Variants in CNTN3 observed in about 807,000 individuals in gnomAD.
CNTN3 encodes the protein contactin 3.
In CNTN3, 60 loss-of-function variants were observed where a neutral mutation model predicts 119.1. The observed-to-expected ratio is 0.50, with a 90% CI of 0.41 to 0.62. CNTN3 has a LOEUF of 0.62. Among genes scored for constraint, CNTN3 ranks in the 20% least tolerant of loss-of-function variants. The pLI, the probability that CNTN3 is intolerant of heterozygous loss-of-function variation, is 0.00. For synonymous variants in CNTN3, 450 were observed against 438.7 expected, an observed-to-expected ratio of 1.03 and a Z score of -0.32; for missense variants, 1,101 against 1,242.4, an observed-to-expected ratio of 0.89 and a Z score of 1.71.
chr3:74,484,158 C>T (rs149084290), intron 4 of CNTN3, among the ~76,000 whole-genome samples: 2 of 152,220 alleles, frequency 1.3e-5, no homozygotes, highest in East Asian at 3.9e-4. Context: ...CCACTCTTCA[C>T]AGGGCAAAGA....
chr3:74,554,997 C>G (rs1019967922), intron 1 of CNTN3, among the ~76,000 whole-genome samples: 25 of 152,074 alleles, frequency 1.6e-4, no homozygotes, highest in African/African-American at 5.6e-4. Context: ...TGCCGGTTTT[C>G]AAAGGGAAAG....
Position 74,392,465 on chromosome 3 carries a change from C to T in CNTN3, c.455-21066G>A, listed in dbSNP as rs547070874. 1.2e-4 allele frequency among the ~76,000 whole-genome samples: 18 copies of T among 150,808 alleles called. 1 individual carries two copies. In the South Asian group the frequency reaches 2.8e-3, roughly 24 times the overall value. ...AACAAATAAACATCTATTCAGCAAT[C>T]GCTAAGGCTTTAGAACATCATAAAA... On this transcript the variant is annotated intron_variant, in intron 5 of 22. Coordinates refer to ENST00000263665, the MANE Select transcript of CNTN3 (RefSeq NM_020872.3).
chr3:74,378,261 T>C (rs1704526566), intron 5 of CNTN3, among the ~76,000 whole-genome samples: 1 of 152,170 alleles, frequency 6.6e-6, no homozygotes, highest in South Asian at 2.1e-4. Context: ...TAATTTAAGG[T>C]TCAAATAACA....
chr3:74,573,460 A>G (rs751360517), intron 1 of CNTN3, among the ~76,000 whole-genome samples: 17 of 152,154 alleles, frequency 1.1e-4, no homozygotes, highest in Admixed American at 5.9e-4. Flanking sequence ...ATCAAACTTA[A>G]AAACTTTTGT....
intron 10 of CNTN3, among the ~76,000 whole-genome samples, chr3:74,362,409 G>A (rs1202273886): frequency 1.3e-5 from 2 of 152,210 alleles, no homozygotes; most frequent in Non-Finnish European, 2.9e-5. Context: ...ACTTGGTACA[G>A]TGCCTAGCAT....
chr3:74,523,375 A>G (rs1703571214), intron 1 of CNTN3, among the ~76,000 whole-genome samples: 1 of 151,888 alleles, frequency 6.6e-6, no homozygotes, highest in South Asian at 2.1e-4. Flanking sequence ...CTAGTCATAA[A>G]AGGCATGTGA....
At chr3:74,456,711 G>A (rs934069069) in intron 4 of CNTN3, among the ~76,000 whole-genome samples, 3 of 152,176 alleles carry the variant, frequency 2.0e-5, no homozygotes, top group Admixed American at 6.6e-5. Flanking sequence ...TGACTGGTAT[G>A]AAACTTCATT....
intron 4 of CNTN3, among the ~76,000 whole-genome samples, chr3:74,466,826 C>A (rs947732817): frequency 3.3e-5 from 5 of 152,000 alleles, no homozygotes; most frequent in Non-Finnish European, 5.9e-5. Context: ...AATGAATGTA[C>A]CTATTGATTG....
chr3:74,316,388 G>A (rs1204998735), intron 13 of CNTN3, among the ~76,000 whole-genome samples: 1 of 152,118 alleles, frequency 6.6e-6, no homozygotes, highest in African/African-American at 2.4e-5. Flanking sequence ...ACTGTTGGTG[G>A]GAATGTAAAT....
chr3:74,394,432 T>C (rs1031724746), intron 5 of CNTN3, among the ~76,000 whole-genome samples: 5 of 152,088 alleles, frequency 3.3e-5, no homozygotes, highest in African/African-American at 1.2e-4. Context: ...TAGAGCAAAA[T>C]GGCAAAAGAT....
chr3:74,437,706 T>C (rs1212200604), intron 4 of CNTN3, among the ~76,000 whole-genome samples: 1 of 150,132 alleles, frequency 6.7e-6, no homozygotes, highest in Non-Finnish European at 1.5e-5. Flanking sequence ...TGTGTGTGTG[T>C]ATATATACAT....
chr3:74,284,835 T>C (rs527335949), intron 20 of CNTN3, among the ~76,000 whole-genome samples: 58 of 152,318 alleles, frequency 3.8e-4, no homozygotes, highest in African/African-American at 1.3e-3. Context: ...ATCAACACAT[T>C]CACAGGACCA....
intron 16 of CNTN3, among the ~76,000 whole-genome samples, 191 bp from the exon 17 acceptor site, chr3:74,300,129 C>G (rs1408904214): frequency 6.6e-6 from 1 of 151,948 alleles, no homozygotes; most frequent in Non-Finnish European, 1.5e-5. Flanking sequence ...CATCAAACAA[C>G]ATATTTACAT....
chr3:74,302,567 A>AG (rs1702480704), intron 14 of CNTN3, 123 bp downstream of exon 14: 1 of 647,590 alleles, frequency 1.5e-6, no homozygotes. Flanking sequence ...GTGGTCTATG[A>AG]GGGGGGATGA....
intron 8 of CNTN3, among the ~76,000 whole-genome samples, chr3:74,368,600 T>C (rs1704256315): frequency 6.6e-6 from 1 of 152,016 alleles, no homozygotes; most frequent in South Asian, 2.1e-4. Context: ...TTCCTACAAA[T>C]AGACTCTAAA....
intron 11 of CNTN3, among the ~76,000 whole-genome samples, chr3:74,349,930 T>C (rs1703775937): frequency 6.6e-6 from 1 of 152,164 alleles, no homozygotes; most frequent in South Asian, 2.1e-4. Flanking sequence ...TGAAGTAGAT[T>C]CAAATCCCCA....
chr3:74,451,443 A>T (rs1702153492), intron 4 of CNTN3, among the ~76,000 whole-genome samples: 1 of 151,308 alleles, frequency 6.6e-6, no homozygotes, highest in Non-Finnish European at 1.5e-5. Context: ...GGTTGTGAAA[A>T]TTTTCTCCCA....
rs534081097 is a variant in CNTN3, at chr3:74,489,137, C to T, written c.183-2506G>A. ...TGAATACTCTGAAACACAATATGGT[C>T]TGCAGGCCAGCATTATCACCCCATG... On this transcript the variant is annotated intron_variant, in intron 3 of 22. Coordinates refer to ENST00000263665, the MANE Select transcript of CNTN3 (RefSeq NM_020872.3). Among the ~76,000 whole-genome samples, 4 of 152,268 alleles carry T rather than the reference C, an allele frequency of 2.6e-5. No individual in the cohort carries two copies. In the South Asian group the frequency reaches 6.2e-4, roughly 24 times the overall value.
At chr3:74,444,415 G>A (rs1457693387) in intron 4 of CNTN3, among the ~76,000 whole-genome samples, 1 of 152,094 alleles carries the variant, frequency 6.6e-6, no homozygotes, top group Non-Finnish European at 1.5e-5. Context: ...TCTCACACAA[G>A]CTATTTATAT....
Sources: allele counts gnomAD v4.1 joint callset (sites outside exome capture counted in the v4.1 genomes callset), GRCh38; gene constraint gnomAD v4.1.1; transcripts MANE v1.5; gene names NCBI Gene and HGNC (gene_info 2026-07-23, HGNC 2026-07-21).